CCDC60: variants seen among roughly 807,000 people sequenced by gnomAD.
CCDC60 encodes the protein coiled-coil domain-containing protein 60.
In CCDC60, 54 loss-of-function variants were observed where a neutral mutation model predicts 63.5. That is an observed-to-expected ratio of 0.85 (90% CI 0.68 to 1.07). CCDC60 has a LOEUF of 1.07. Ranked by LOEUF, CCDC60 falls within the 50% of genes least tolerant of loss-of-function variation. CCDC60 has a pLI of 0.00. For missense variants in CCDC60, 651 were observed against 684.3 expected (o/e 0.95, Z 0.54); for synonymous variants, 206 against 238.8 (o/e 0.86, Z 1.27).
chr12:119,431,274 T>G (rs1950223989), intron 2 of CCDC60, among the ~76,000 whole-genome samples: 1 of 152,208 alleles, frequency 6.6e-6, no homozygotes, highest in African/African-American at 2.4e-5. Context: ...TCAGAGTTTT[T>G]AAGGATAATT....
chr12:119,447,624 T>G (rs941772483), intron 2 of CCDC60: 2 of 152,072 alleles, frequency 1.3e-5, no homozygotes, highest in East Asian at 3.8e-4. Flanking sequence ...GCACAATAGG[T>G]AATAACAGGG....
At chr12:119,465,480 G>A (rs1006213075) in intron 2 of CCDC60, among the ~76,000 whole-genome samples, 25 of 151,104 alleles carry the variant, frequency 1.7e-4, no homozygotes, top group South Asian at 8.4e-4. Flanking sequence ...AAAGCAGACC[G>A]GGCGAGGTGG....
chr12:119,540,070 C>T (rs1398305725), intron 13 of CCDC60, among the ~76,000 whole-genome samples: 2 of 152,182 alleles, frequency 1.3e-5, no homozygotes, highest in African/African-American at 4.8e-5. Flanking sequence ...ATGCAGAAAT[C>T]ACCCACCTTC....
chr12:119,400,728 A>T (rs375020381), intron 1 of CCDC60, among the ~76,000 whole-genome samples: 3 of 152,178 alleles, frequency 2.0e-5, no homozygotes, highest in African/African-American at 7.2e-5. Flanking sequence ...TAAGCTCCCA[A>T]ATGATGCTGC....
rs1277455084 is a variant in CCDC60 at position 119,488,789 on chromosome 12, C to T, written c.480C>T (p.Leu160=). The T allele has an allele frequency of 6.2e-7, 1 of 1,614,202 alleles. No individual in the cohort carries two copies. Among genetic ancestry groups the T allele is most frequent in the South Asian group, 1.1e-5 (1 of 91,084 alleles). ...CCCTCTTCCGCCAGCTCTGTGCTCT[C>T]CACTGGCTTCTGGAGGCCCTGACTA... ...VEPLFRQLCA[L]HWLLEALTID... Residue 160 remains leucine, a synonymous_variant, in exon 5 of 14, where the codon CTC becomes CTT. Transcript: ENST00000327554.
chr12:119,424,692 A>G (rs545908311), intron 1 of CCDC60, among the ~76,000 whole-genome samples: 11 of 152,376 alleles, frequency 7.2e-5, no homozygotes, highest in Non-Finnish European at 1.5e-4. Context: ...TTCACTTAAT[A>G]TCAAATGATG....
At chr12:119,347,031 G>A (rs1011521206) in intron 1 of CCDC60, among the ~76,000 whole-genome samples, 1 of 151,784 alleles carries the variant, frequency 6.6e-6, no homozygotes, top group Admixed American at 6.6e-5. Flanking sequence ...CACCATCTTG[G>A]TCAAGCTGGT....
At position 119,456,001 on chromosome 12, in the gene CCDC60, G is replaced by GAAAGAGAAAGAA. The variant is rs747663726; in HGVS notation, c.171-15992_171-15991insAAGAGAAAGAAA. On this transcript the variant is annotated intron_variant, in intron 2 of 13. Transcript: ENST00000327554. The surrounding 1 kb of genome is among the most constrained non-coding windows in gnomAD (Gnocchi z 4.6). ...AGGGAGAGAGAAAGAGAGAGAGAAA[G>GAAAGAGAAAGAA]AGAAAGAAAGAAAGAAAGAAAGAAA... 5.9e-3 allele frequency among the ~76,000 whole-genome samples: 304 copies of GAAAGAGAAAGAA among 51,104 alleles called. 4 individuals carry two copies. Among genetic ancestry groups the GAAAGAGAAAGAA allele is most frequent in the East Asian group, 0.011 (11 of 960 alleles). The allele number at this position is 51,104 out of a possible 152,430, so 33.5% of individuals were successfully genotyped here.
chr12:119,450,910 G>A (rs1950622762), intron 2 of CCDC60, among the ~76,000 whole-genome samples: 2 of 151,484 alleles, frequency 1.3e-5, no homozygotes, highest in African/African-American at 4.9e-5. Context: ...AGCTCTCACA[G>A]AGCCCTGCAG....
At chr12:119,395,372 G>C (rs1011861135) in intron 1 of CCDC60, among the ~76,000 whole-genome samples, 1 of 152,212 alleles carries the variant, frequency 6.6e-6, no homozygotes, top group Non-Finnish European at 1.5e-5. Context: ...CATGATGCTG[G>C]CTTCTGGGGA....
At chr12:119,533,467 G>A (rs1438440870) in intron 13 of CCDC60, among the ~76,000 whole-genome samples, 1 of 152,098 alleles carries the variant, frequency 6.6e-6, no homozygotes, top group Non-Finnish European at 1.5e-5. Flanking sequence ...CATTGCTTTT[G>A]GTGTTTTAGT....
intron 2 of CCDC60, among the ~76,000 whole-genome samples, chr12:119,466,650 AAATGTGGAACCACTACCT>A (rs1188103596): frequency 2.0e-5 from 3 of 152,284 alleles, no homozygotes; most frequent in African/African-American, 7.2e-5. Context: ...AATCATCTCC[AAATGTGGAACCACTACCT>A]CACCCCCTAA....
chr12:119,382,000 G>T (rs1467411632), intron 1 of CCDC60, among the ~76,000 whole-genome samples: 1 of 152,184 alleles, frequency 6.6e-6, no homozygotes, highest in Non-Finnish European at 1.5e-5. Flanking sequence ...ACCTTCTCAT[G>T]ACCTTCCTAT....
chr12:119,481,345 T>C (rs1951314405), intron 4 of CCDC60, among the ~76,000 whole-genome samples: 1 of 152,196 alleles, frequency 6.6e-6, no homozygotes, highest in Non-Finnish European at 1.5e-5. Flanking sequence ...ACAAGACTTC[T>C]GAAACCAATT....
intron 1 of CCDC60, among the ~76,000 whole-genome samples, chr12:119,338,982 C>T (rs1008974159): frequency 1.3e-5 from 2 of 152,212 alleles, no homozygotes; most frequent in African/African-American, 4.8e-5. Context: ...CTGCCTTGTA[C>T]AGGCTCTTCA....
chr12:119,459,960 G>A (rs555012027), intron 2 of CCDC60, among the ~76,000 whole-genome samples: 2 of 152,292 alleles, frequency 1.3e-5, no homozygotes, highest in Admixed American at 6.5e-5. Context: ...TGCTATCTCA[G>A]TAAAGTGGCT....
intron 3 of CCDC60, among the ~76,000 whole-genome samples, chr12:119,478,542 A>G (rs1328213157): frequency 6.6e-6 from 1 of 150,690 alleles, no homozygotes; most frequent in Non-Finnish European, 1.5e-5. Context: ...AGTATGCCGC[A>G]TGATTTATCT....
chr12:119,428,956 C>G, intron 2 of CCDC60, 194 bp downstream of exon 2: 3 of 436,490 alleles, frequency 6.9e-6, no homozygotes, highest in Non-Finnish European at 7.8e-6. Flanking sequence ...CCAGGGAGTA[C>G]CCATGCCATG....
rs954704107 is a variant in CCDC60, at chr12:119,346,023, C to T, written c.90+10757C>T. Among the ~76,000 whole-genome samples, 8 of 144,852 alleles carry T rather than the reference C, an allele frequency of 5.5e-5. No individual in the cohort carries two copies. The South Asian group carries it at 1.8e-3, about 32-fold the overall frequency. ...TTTTTTTAGTAGAGATGGAGTTTTGCCATATTGCCCGGGCTGATCCCGAAC... is the reference window on the plus strand; with the variant it reads ...TTTTTTTAGTAGAGATGGAGTTTTGTCATATTGCCCGGGCTGATCCCGAAC... On this transcript the variant is annotated intron_variant, in intron 1 of 13. Transcript: ENST00000327554.
Sources: gnomAD v4.1 joint callset for allele counts (sites outside exome capture counted in the v4.1 genomes callset) on GRCh38, gnomAD v4.1.1 for gene constraint, Gnocchi (gnomAD v3.1) non-coding constraint, MANE v1.5 for transcripts, NCBI Gene and HGNC (gene_info 2026-07-23, HGNC 2026-07-21) for gene names.